Variants in FHIP1A observed in about 807,000 individuals in gnomAD.
FHIP1A encodes the protein FHF complex subunit HOOK-interacting protein 1A.
Under a neutral mutation model 88.6 loss-of-function variants are expected in FHIP1A, and 61 were observed. The ratio of observed to expected loss-of-function variants is 0.69; its 90% CI spans 0.56 to 0.85. The LOEUF is 0.85. Ranked by LOEUF, FHIP1A falls within the 40% of genes least tolerant of loss-of-function variation. The pLI, the probability that FHIP1A is intolerant of heterozygous loss-of-function variation, is 0.00. For synonymous variants in FHIP1A, 478 were observed against 496.0 expected, an observed-to-expected ratio of 0.96 and a Z score of 0.48; for missense variants, 1,154 against 1,273.5, an observed-to-expected ratio of 0.91 and a Z score of 1.43.
intron 7 of FHIP1A, among the ~76,000 whole-genome samples, chr4:151,625,024 C>A (rs563686109): frequency 3.3e-5 from 5 of 152,294 alleles, no homozygotes; most frequent in Non-Finnish European, 7.4e-5. Flanking sequence ...GCCTTTCCAG[C>A]TGCTGCCCTT....
At chr4:151,484,556 G>A (rs549241983) in intron 3 of FHIP1A, among the ~76,000 whole-genome samples, 4 of 152,312 alleles carry the variant, frequency 2.6e-5, no homozygotes, top group South Asian at 2.1e-4. Context: ...GGTTTCTTCC[G>A]AGGAAATGAT....
intron 4 of FHIP1A, among the ~76,000 whole-genome samples, chr4:151,569,292 G>A (rs1733507347): frequency 6.6e-6 from 1 of 152,136 alleles, no homozygotes; most frequent in African/African-American, 2.4e-5. Flanking sequence ...TGTGGCTCAC[G>A]CCTGTAATCC....
chr4:151,588,918 C>T lies in FHIP1A; in HGVS notation c.970C>T (p.Leu324Phe), dbSNP rs1323599878. 1.3e-6 allele frequency: 2 copies of T among 1,543,116 alleles called. No homozygotes were observed. Among genetic ancestry groups the T allele is most frequent in the East Asian group, 2.4e-5 (1 of 40,884 alleles). ...GFLVPVLAPA[L>F]HKVTVEEVMT... ...TTTGGTACCAGTCTTGGCTCCTGCT[C>T]TCCATAAGGTCAGTGATTGGCTCAT... is the stretch of plus-strand genomic sequence containing the variant. Residue 324 changes from leucine to phenylalanine, a missense_variant, in exon 7 of 14, where the codon CTC (leucine) becomes TTC (phenylalanine). Coordinates refer to ENST00000435205, the MANE Select transcript of FHIP1A (RefSeq NM_001109977.3).
chr4:151,451,360 A>G (rs578253452), intron 1 of FHIP1A, among the ~76,000 whole-genome samples: 10 of 152,214 alleles, frequency 6.6e-5, no homozygotes, highest in East Asian at 3.9e-4. Context: ...TGGATCATCT[A>G]TGTTTTCTAA....
At chr4:151,585,118 C>G (rs1432820791) in intron 5 of FHIP1A, among the ~76,000 whole-genome samples, 1 of 152,050 alleles carries the variant, frequency 6.6e-6, no homozygotes, top group Non-Finnish European at 1.5e-5. Flanking sequence ...TTGAATGTTT[C>G]CATCTCATTC....
intron 3 of FHIP1A, among the ~76,000 whole-genome samples, chr4:151,530,859 T>A (rs1015141627): frequency 6.6e-6 from 1 of 152,194 alleles, no homozygotes. Context: ...CTTAGCATAG[T>A]GCATGGCATA....
At chr4:151,492,691 A>G (rs796484149) in intron 3 of FHIP1A, among the ~76,000 whole-genome samples, 19 of 152,242 alleles carry the variant, frequency 1.2e-4, no homozygotes, top group East Asian at 9.6e-4. Context: ...AACCCTTAAC[A>G]CTATACAAAT....
At chr4:151,620,060 C>T (rs1307482636) in intron 7 of FHIP1A, among the ~76,000 whole-genome samples, 5 of 152,188 alleles carry the variant, frequency 3.3e-5, no homozygotes, top group Non-Finnish European at 7.3e-5. Flanking sequence ...CTGCCATAAA[C>T]CTCAAAGCTT....
At chr4:151,551,236 T>A (rs1045005174) in intron 3 of FHIP1A, among the ~76,000 whole-genome samples, 10 of 152,138 alleles carry the variant, frequency 6.6e-5, no homozygotes, top group South Asian at 2.1e-4. Flanking sequence ...ATGAACATAG[T>A]GTTAAGGTAG....
At chr4:151,610,452 G>A (rs1268077568) in intron 7 of FHIP1A, among the ~76,000 whole-genome samples, 2 of 152,190 alleles carry the variant, frequency 1.3e-5, no homozygotes, top group Non-Finnish European at 2.9e-5. Context: ...GAGGAAACAG[G>A]TAGAGAATTG....
chr4:151,446,483 C>CTTT (rs1728607217), intron 1 of FHIP1A, among the ~76,000 whole-genome samples: 5 of 93,610 alleles, frequency 5.3e-5, no homozygotes, highest in Non-Finnish European at 7.2e-5. Flanking sequence ...CTTTCCTTTT[C>CTTT]CTTTTTTTTT....
At chr4:151,624,677 T>C (rs1735884659) in intron 7 of FHIP1A, among the ~76,000 whole-genome samples, 1 of 152,204 alleles carries the variant, frequency 6.6e-6, no homozygotes, top group South Asian at 2.1e-4. Context: ...TGTTTCCTCC[T>C]TCCTCAAATA....
chr4:151,412,361 C>T (rs1039533945), intron 1 of FHIP1A, among the ~76,000 whole-genome samples: 8 of 152,164 alleles, frequency 5.3e-5, no homozygotes, highest in Non-Finnish European at 1.2e-4. Context: ...CCACCTCGGC[C>T]TCCCAAAGTG....
At chr4:151,552,513 C>T (rs1319915647) in intron 3 of FHIP1A, among the ~76,000 whole-genome samples, 1 of 152,142 alleles carries the variant, frequency 6.6e-6, no homozygotes, top group East Asian at 1.9e-4. Context: ...ATGATGAATT[C>T]TTGTTCTTTG....
At chr4:151,426,630 CA>C (rs1733385129) in intron 1 of FHIP1A, among the ~76,000 whole-genome samples, 1 of 152,100 alleles carries the variant, frequency 6.6e-6, no homozygotes, top group Admixed American at 6.5e-5. Context: ...TCTTGCCAGG[CA>C]GATGAAATCA....
At chr4:151,574,438 A>C (rs780479068) in intron 4 of FHIP1A, among the ~76,000 whole-genome samples, 1 of 151,876 alleles carries the variant, frequency 6.6e-6, no homozygotes, top group Non-Finnish European at 1.5e-5. Flanking sequence ...TATAAATGAA[A>C]GTTAATGAGA....
intron 3 of FHIP1A, among the ~76,000 whole-genome samples, chr4:151,506,657 A>G (rs1730847900): frequency 6.6e-6 from 1 of 152,068 alleles, no homozygotes; most frequent in Non-Finnish European, 1.5e-5. Context: ...TAAGAGTGAG[A>G]AGTTATTCAC....
At chr4:151,452,977 A>ACAC in intron 1 of FHIP1A, among the ~76,000 whole-genome samples, 1 of 119,304 alleles carries the variant, frequency 8.4e-6, no homozygotes, top group Non-Finnish European at 1.9e-5. Flanking sequence ...CACACACACA[A>ACAC]ACATACATTG....
intron 11 of FHIP1A, among the ~76,000 whole-genome samples, chr4:151,653,346 C>G (rs929421525): frequency 1.1e-4 from 17 of 151,676 alleles, no homozygotes; most frequent in South Asian, 8.3e-4. Flanking sequence ...CTAGGTCTCT[C>G]TGTGTGTGTG....
Sources: allele counts gnomAD v4.1 joint callset (sites outside exome capture counted in the v4.1 genomes callset), GRCh38; gene constraint gnomAD v4.1.1; transcripts MANE v1.5; gene names NCBI Gene and HGNC (gene_info 2026-07-23, HGNC 2026-07-21).